Variants in FLII observed in about 807,000 individuals in gnomAD.
FLII encodes FLII actin remodeling protein, also known as protein flightless-1 homolog.
Under a neutral mutation model 156.2 loss-of-function variants are expected in FLII, and 101 were observed. The ratio of observed to expected loss-of-function variants is 0.65; its 90% CI spans 0.55 to 0.76. The LOEUF (loss-of-function observed/expected upper bound fraction) is 0.76. Among genes scored for constraint, FLII ranks in the 30% least tolerant of loss-of-function variants. FLII has a pLI of 0.00. For missense variants in FLII, 1,675 were observed against 1,682.8 expected (o/e 1.00, Z 0.08); for synonymous variants, 767 against 685.8 (o/e 1.12, Z -1.85).
chr17:18,256,631 G>A, intron 2 of FLII, 34 bp from the exon 3 acceptor site: 2 of 1,533,668 alleles, frequency 1.3e-6, no homozygotes, highest in Middle Eastern at 1.7e-4. Context: ...GCTCAGCAGG[G>A]TGGGTGGGGT....
Position 18,247,791 on chromosome 17 carries a change from A to G in FLII, c.2353T>C (p.Phe785Leu), listed in dbSNP as rs575632321. 12 of 1,612,108 alleles carry G rather than the reference A, an allele frequency of 7.4e-6. No individual in the cohort carries two copies. The Admixed American group carries it at 1.3e-4, about 18-fold the overall frequency. ...GGGGACTTGCGGCCGAGCCAGATGA[A>G]CACGTCGGACCAACAGTCCAGAATG... ...VYILDCWSDV[F>L]IWLGRKSPRL... The change falls in exon 20 of 30, where the codon TTC becomes CTC. Residue 785 changes from phenylalanine to leucine, a missense_variant. By Grantham distance (22) the Phe-to-Leu change is conservative. This residue lies in a region of FLII where 1,332 missense variants were observed against 1,269.3 expected (regional missense o/e 1.05). Coordinates refer to ENST00000327031, the MANE Select transcript of FLII (RefSeq NM_002018.4).
chr17:18,254,953 G>C (rs1412397584), intron 4 of FLII, 99 bp from the exon 5 acceptor site: 51 of 1,222,286 alleles, frequency 4.2e-5, no homozygotes, highest in Non-Finnish European at 5.9e-5. Flanking sequence ...GGGTGTGGGG[G>C]TAGATGAGGG....
rs1358499827 is a variant in FLII, at chr17:18,254,384, T to C, written c.575+137A>G. 11 of 902,632 alleles carry C rather than the reference T, an allele frequency of 1.2e-5. No homozygotes were observed. The East Asian group carries it at 2.6e-4, about 22-fold the overall frequency. The allele number at this position is 902,632 out of a possible 1,614,324, so 55.9% of individuals were successfully genotyped here. On this transcript the variant is annotated intron_variant, in intron 6 of 29. Coordinates refer to ENST00000327031, the MANE Select transcript of FLII (RefSeq NM_002018.4). ...GAGGTGGACATGATACTTAGGAGGT[T>C]GTACACTGAGGGGTGCTGCCTGCAC...
chr17:18,250,740 C>T, intron 14 of FLII, 98 bp downstream of exon 14: 1 of 1,319,422 alleles, frequency 7.6e-7, no homozygotes, highest in South Asian at 1.3e-5. Context: ...TCCCTGCCTG[C>T]CCACCTGTTC....
Position 18,247,719 on chromosome 17 carries a change from C to G in FLII, c.2425G>C (p.Gly809Arg), listed in dbSNP as rs764861101. The change falls in exon 20 of 30, where the codon GGG becomes CGG. Residue 809 changes from glycine (G) to arginine (R), a missense_variant. By Grantham distance (125) the Gly-to-Arg change is moderately radical. Around this residue, in one of 2 missense-constraint regions of FLII, gnomAD observed 1,332 missense variants for 1,269.3 expected, o/e 1.05. Coordinates refer to ENST00000327031, the MANE Select transcript of FLII (RefSeq NM_002018.4). The stretch of plus-strand genomic sequence containing the variant: ...GCATGGCGTGGCCGGTGCAGCATCC[C>G]GCACAGCTCCTGACCCAGCTTGAGG... ...AALKLGQELCGMLHRPRHATV... is the reference protein window; with the variant it reads ...AALKLGQELCRMLHRPRHATV... 5.6e-5 allele frequency: 90 copies of G among 1,603,308 alleles called. No individual in the cohort carries two copies. The Middle Eastern group carries it at 1.7e-3, about 29-fold the overall frequency.
rs1428693221 is a variant in FLII, at chr17:18,245,818, G to C, written c.3429C>G (p.Phe1143Leu). 13 of 1,613,840 alleles carry C rather than the reference G, an allele frequency of 8.1e-6. No individual in the cohort carries two copies. Among genetic ancestry groups the C allele is most frequent in the Non-Finnish European group, 1.0e-5 (12 of 1,179,990 alleles). Reference protein sequence around the residue: ...VINEGEEPENFFWVGIGAQKP... With the variant: ...VINEGEEPENLFWVGIGAQKP... ...TCTGTGCCCCAATGCCCACCCAGAA[G>C]AAGTTCTCAGGCTCCTCACCTTCGT... The change falls in exon 27 of 30, where the codon TTC becomes TTG. Residue 1143 changes from phenylalanine to leucine, a missense_variant. Coordinates refer to ENST00000327031, the MANE Select transcript of FLII (RefSeq NM_002018.4).
chr17:18,245,967 C>G lies in FLII; in HGVS notation c.3363G>C (p.Leu1121=). ...PDEAKLAEDI[L]NTMFDTSYSK... Reference sequence around the variant, plus strand: ...TGTAGGAGGTGTCAAACATGGTGTTCAGGATGTCTTCTGCCAACTTGGCTT... The same window carrying G: ...TGTAGGAGGTGTCAAACATGGTGTTGAGGATGTCTTCTGCCAACTTGGCTT... Residue 1121 remains leucine, a synonymous_variant, in exon 26 of 30, where the codon CTG becomes CTC. Transcript: ENST00000327031. The G allele has an allele frequency of 1.2e-6, 2 of 1,614,092 alleles. No individual in the cohort carries two copies. The highest frequency in any genetic ancestry group is 2.2e-5 in the South Asian group (2 of 91,076).
At chr17:18,253,504 G>T in intron 8 of FLII, 40 bp downstream of exon 8, 1 of 1,613,246 alleles carries the variant, frequency 6.2e-7, no homozygotes, top group Non-Finnish European at 8.5e-7. Flanking sequence ...CCAGGCTCAC[G>T]GCCTTCCTCC....
At chr17:18,247,537 G>T in intron 20 of FLII, 120 bp downstream of exon 20, 1 of 1,102,634 alleles carries the variant, frequency 9.1e-7, no homozygotes. Context: ...CCTGGGCAGA[G>T]TCAGCAAAGA....
intron 3 of FLII, among the ~76,000 whole-genome samples, chr17:18,256,169 C>T (rs969120839): frequency 1.3e-5 from 2 of 152,382 alleles, no homozygotes; most frequent in East Asian, 1.9e-4. Flanking sequence ...GGCCAAGTTT[C>T]TCTTCTGCAA....
chr17:18,245,965 T>G lies in FLII; in HGVS notation c.3365A>C (p.Asn1122Thr). 1 of 1,614,000 alleles carries G rather than the reference T, an allele frequency of 6.2e-7. No homozygotes were observed. Reference sequence around the variant, plus strand: ...GCTGTAGGAGGTGTCAAACATGGTGTTCAGGATGTCTTCTGCCAACTTGGC... The same window carrying G: ...GCTGTAGGAGGTGTCAAACATGGTGGTCAGGATGTCTTCTGCCAACTTGGC... ...DEAKLAEDIL[N>T]TMFDTSYSKQ... is the part of the protein sequence containing the mutation. The change falls in exon 26 of 30, where the codon AAC becomes ACC. Residue 1122 changes from asparagine to threonine, a missense_variant. Asn to Thr is a moderately conservative substitution (Grantham distance 65). This residue lies in a region of FLII where 1,332 missense variants were observed against 1,269.3 expected (regional missense o/e 1.05). Coordinates refer to ENST00000327031, the MANE Select transcript of FLII (RefSeq NM_002018.4).
rs1448679287 is a variant in FLII at position 18,258,495 on chromosome 17, C to A, written c.63+133G>T. 1 of 1,503,946 alleles carries A rather than the reference C, an allele frequency of 6.6e-7. No individual in the cohort carries two copies. The highest frequency in any genetic ancestry group is 2.7e-5 in the East Asian group (1 of 36,738). The allele number at this position is 1,503,946 out of a possible 1,614,324, so 93.2% of individuals were successfully genotyped here. A position where few individuals can be genotyped will look rare whatever the true frequency, so the allele number is the denominator to read the frequency against. The stretch of plus-strand genomic sequence containing the variant: ...GGTCCATTCCTGGCCAGGGGAGAGC[C>A]CCACCCCGCCCCGGCCGCAGTCCCT... On this transcript the variant is annotated intron_variant, in intron 1 of 29. Coordinates refer to ENST00000327031, the MANE Select transcript of FLII (RefSeq NM_002018.4). This position sits in a 1 kb window ranked among gnomAD's most constrained non-coding sequence, Gnocchi z 4.2.
In FLII at chr17:18,258,726, G is replaced by A. The variant is rs1471757007; in HGVS notation, c.-36C>T. On this transcript the variant is annotated 5_prime_UTR_variant, in exon 1 of 30. Coordinates refer to ENST00000327031, the MANE Select transcript of FLII (RefSeq NM_002018.4). This position sits in a 1 kb window ranked among gnomAD's most constrained non-coding sequence, Gnocchi z 4.2. Reference sequence around the variant, plus strand: ...TCGCTGCCGGGCCGCGCCGGGCTAGGGAGCGCCGGGGCGAGGGCGCTGGGG... The same window carrying A: ...TCGCTGCCGGGCCGCGCCGGGCTAGAGAGCGCCGGGGCGAGGGCGCTGGGG... 4 of 1,379,046 alleles carry A rather than the reference G, an allele frequency of 2.9e-6. No homozygotes were observed. In the African/African-American group the frequency reaches 4.6e-5, roughly 16 times the overall value. The allele number at this position is 1,379,046 out of a possible 1,614,324, so 85.4% of individuals were successfully genotyped here. A position where few individuals can be genotyped will look rare whatever the true frequency, so the allele number is the denominator to read the frequency against.
chr17:18,249,733 T>C (rs1449663252), intron 14 of FLII, among the ~76,000 whole-genome samples: 1 of 151,614 alleles, frequency 6.6e-6, no homozygotes, highest in Non-Finnish European at 1.5e-5. Context: ...GAGGTTGCAG[T>C]GAGCTGAGAT....
At chr17:18,256,320 G>GAA (rs2048416517) in intron 3 of FLII, among the ~76,000 whole-genome samples, 1 of 152,224 alleles carries the variant, frequency 6.6e-6, no homozygotes. Flanking sequence ...TTTCCTGATG[G>GAA]AATTCTCTGA....
intron 9 of FLII, 52 bp from the exon 10 acceptor site, chr17:18,252,608 G>A: frequency 6.7e-7 from 1 of 1,481,938 alleles, no homozygotes; most frequent in East Asian, 2.3e-5. Context: ...ACAAGGGGAA[G>A]TGGGCAAGAA....
In FLII at chr17:18,256,976, C is replaced by T. The variant is rs754677147; in HGVS notation, c.107G>A (p.Arg36Gln). 9.3e-6 allele frequency: 15 copies of T among 1,611,528 alleles called. No individual in the cohort carries two copies. In the East Asian group the frequency reaches 1.8e-4, roughly 19 times the overall value. Reference sequence around the variant, plus strand: ...GCCAGTGCGGTTCAGCTTCAGCCACCGCAGGCTGGTCATGGCCTTGACATT... The same window carrying T: ...GCCAGTGCGGTTCAGCTTCAGCCACTGCAGGCTGGTCATGGCCTTGACATT... The part of the protein sequence containing the change: ...PENVKAMTSL[R>Q]WLKLNRTGLC... Residue 36 changes from arginine (R) to glutamine (Q), a missense_variant, in exon 2 of 30, where the codon CGG (arginine) becomes CAG (glutamine). Around this residue, in one of 2 missense-constraint regions of FLII, gnomAD observed 343 missense variants for 413.5 expected, o/e 0.83. Transcript: ENST00000327031.
At position 18,251,811 on chromosome 17, in the gene FLII, T is replaced by C; in HGVS notation, c.1252A>G (p.Ser418Gly). 6.2e-7 allele frequency: 1 copy of C among 1,613,654 alleles called. No homozygotes were observed. The highest frequency in any genetic ancestry group is 1.7e-5 in the Admixed American group (1 of 60,034). ...ATVAAAAAAGSGPKDPMARKM... is the reference protein window; with the variant it reads ...ATVAAAAAAGGGPKDPMARKM... The stretch of plus-strand genomic sequence containing the variant: ...CGAGCCATAGGGTCCTTGGGCCCAC[T>C]CCCTGCTTAGGGGAGGGGCAAACAG... Residue 418 changes from serine (S) to glycine (G), a missense_variant, in exon 12 of 30, where the codon AGT (serine) becomes GGT (glycine). Coordinates refer to ENST00000327031, the MANE Select transcript of FLII (RefSeq NM_002018.4).
chr17:18,247,817 T>C lies in FLII; in HGVS notation c.2327A>G (p.Tyr776Cys). The change falls in exon 20 of 30, where the codon TAC becomes TGC. Residue 776 changes from tyrosine (Y) to cysteine (C), a missense_variant. Tyr to Cys is a radical substitution (Grantham distance 194). Coordinates refer to ENST00000327031, the MANE Select transcript of FLII (RefSeq NM_002018.4). The stretch of plus-strand genomic sequence containing the variant: ...CACGTCGGACCAACAGTCCAGAATG[T>C]ACACGCAGCGCGTGTCCAGCAGACT... ...LQSLLDTRCVYILDCWSDVFI... is the reference protein window; with the variant it reads ...LQSLLDTRCVCILDCWSDVFI... 6.2e-7 allele frequency: 1 copy of C among 1,613,404 alleles called. No individual in the cohort carries two copies. Among genetic ancestry groups the C allele is most frequent in the Non-Finnish European group, 8.5e-7 (1 of 1,179,996 alleles).
Sources: allele counts gnomAD v4.1 joint callset (sites outside exome capture counted in the v4.1 genomes callset), GRCh38; gene constraint gnomAD v4.1.1; regional missense constraint gnomAD v4.1.1; non-coding constraint Gnocchi (gnomAD v3.1); transcripts MANE v1.5; gene names NCBI Gene and HGNC (gene_info 2026-07-23, HGNC 2026-07-21).